HYDIN: variants seen among roughly 807,000 people sequenced by gnomAD.
HYDIN encodes the protein axonemal central pair apparatus protein HYDIN.
HYDIN carries 132 observed loss-of-function variants against 403.9 expected under a neutral mutation model. That is an observed-to-expected ratio of 0.33 (90% CI 0.28 to 0.38). The LOEUF (loss-of-function observed/expected upper bound fraction) is 0.38. Among genes scored for constraint, HYDIN ranks in the 10% least tolerant of loss-of-function variants. The pLI is 1.00. For synonymous variants in HYDIN, 1,202 were observed against 1,891.7 expected, an observed-to-expected ratio of 0.64 and a Z score of 9.46; for missense variants, 2,827 against 5,009.5, an observed-to-expected ratio of 0.56 and a Z score of 13.15.
intron 5 of HYDIN, among the ~76,000 whole-genome samples, chr16:71,165,739 G>A (rs373451134): frequency 6.6e-6 from 1 of 151,954 alleles, no homozygotes; most frequent in Non-Finnish European, 1.5e-5. Context: ...ATGGCGTGAG[G>A]GGGAGGGGGG....
At chr16:71,135,215 G>C (rs1350347928) in intron 8 of HYDIN, among the ~76,000 whole-genome samples, 1 of 152,016 alleles carries the variant, frequency 6.6e-6, no homozygotes, top group Non-Finnish European at 1.5e-5. Flanking sequence ...GAAAGAGCAA[G>C]GGAGATAGTA....
chr16:70,808,150 G>A, intron 85 of HYDIN, 88 bp from the exon 86 acceptor site: 2 of 1,432,598 alleles, frequency 1.4e-6, no homozygotes, highest in Non-Finnish European at 1.9e-6. Flanking sequence ...TCCACTCCTG[G>A]ACATCAAGCA....
intron 43 of HYDIN, among the ~76,000 whole-genome samples, chr16:70,939,544 C>T (rs2077604927): frequency 6.6e-6 from 1 of 152,180 alleles, no homozygotes; most frequent in South Asian, 2.1e-4. Flanking sequence ...TATGAACATG[C>T]CAGGCACTGG....
chr16:71,230,562 C>T lies in HYDIN; in HGVS notation c.-24G>A. 1 of 1,534,446 alleles carries T rather than the reference C, an allele frequency of 6.5e-7. No homozygotes were observed. Among genetic ancestry groups the T allele is most frequent in the Non-Finnish European group, 8.7e-7 (1 of 1,145,852 alleles). Reference sequence around the variant, plus strand: ...CACAATCTCTGCGAGGACCTCTGACCTTGGTGCACTCCGGGTCCCACGTTT... The same window carrying T: ...CACAATCTCTGCGAGGACCTCTGACTTTGGTGCACTCCGGGTCCCACGTTT... On this transcript the variant is annotated splice_region_variant and 5_prime_UTR_variant, in exon 1 of 86. Transcript: ENST00000393567.
At chr16:70,902,405 T>C (rs2076405964) in intron 52 of HYDIN, among the ~76,000 whole-genome samples, 1 of 147,814 alleles carries the variant, frequency 6.8e-6, no homozygotes, top group Non-Finnish European at 1.5e-5. Context: ...GCTCAGGAGT[T>C]GAGACCAGCC....
chr16:70,897,838 G>T (rs1424172279), intron 53 of HYDIN, among the ~76,000 whole-genome samples: 1 of 151,994 alleles, frequency 6.6e-6, no homozygotes. Context: ...CTGCTGTTTG[G>T]CTGGGACACA....
At chr16:71,038,004 A>G (rs2081151024) in intron 18 of HYDIN, among the ~76,000 whole-genome samples, 1 of 152,194 alleles carries the variant, frequency 6.6e-6, no homozygotes, top group Non-Finnish European at 1.5e-5. Flanking sequence ...GATGATAAAA[A>G]ATGAGCCTTC....
chr16:71,097,851 A>C (rs2083319686), intron 10 of HYDIN, among the ~76,000 whole-genome samples: 1 of 151,980 alleles, frequency 6.6e-6, no homozygotes, highest in Non-Finnish European at 1.5e-5. Context: ...TACAGAAAGT[A>C]TGCTTAGAAC....
At position 71,230,639 on chromosome 16, in the gene HYDIN, C is replaced by A. The variant is rs1461584076; in HGVS notation, c.-101G>T. 6.5e-7 allele frequency: 1 copy of A among 1,536,058 alleles called. No individual in the cohort carries two copies. The highest frequency in any genetic ancestry group is 1.2e-5 in the South Asian group (1 of 84,060). On this transcript the variant is annotated 5_prime_UTR_variant, in exon 1 of 86. Coordinates refer to ENST00000393567, the MANE Select transcript of HYDIN (RefSeq NM_001270974.2). Reference sequence around the variant, plus strand: ...CCCGCGTCCAACTCACAGACCCCGCCGCCGCTGAGGGGCTCCATACCCAGC... The same window carrying A: ...CCCGCGTCCAACTCACAGACCCCGCAGCCGCTGAGGGGCTCCATACCCAGC...
At chr16:70,916,120 C>T (rs1312359096) in intron 47 of HYDIN, among the ~76,000 whole-genome samples, 1 of 152,182 alleles carries the variant, frequency 6.6e-6, no homozygotes, top group African/African-American at 2.4e-5. Flanking sequence ...CCTGTGGAGT[C>T]TGCATGCTGG....
chr16:70,902,618 C>A (rs888448622), intron 52 of HYDIN, among the ~76,000 whole-genome samples: 2 of 139,866 alleles, frequency 1.4e-5, no homozygotes, highest in Non-Finnish European at 3.1e-5. Context: ...GACTCTGTCT[C>A]GAAACAAAAA....
intron 7 of HYDIN, among the ~76,000 whole-genome samples, chr16:71,144,935 T>C (rs533486525): frequency 7.2e-5 from 11 of 152,166 alleles, no homozygotes; most frequent in Non-Finnish European, 1.0e-4. Flanking sequence ...TAAATTCATA[T>C]TTCAAACAGC....
intron 11 of HYDIN, among the ~76,000 whole-genome samples, chr16:71,092,281 T>C (rs1400631220): frequency 6.6e-6 from 1 of 152,108 alleles, no homozygotes; most frequent in Non-Finnish European, 1.5e-5. Context: ...CCCATGCCCT[T>C]TCCCCTTCCA....
intron 8 of HYDIN, chr16:71,133,083 G>T (rs550831769): frequency 2.7e-6 from 1 of 367,466 alleles, no homozygotes; most frequent in East Asian, 7.3e-5. Flanking sequence ...TGGGGAAGAT[G>T]TGTGTCTCCA....
At chr16:70,872,357 CCCAT>C (rs1430055205) in intron 64 of HYDIN, among the ~76,000 whole-genome samples, 178 bp from the exon 65 acceptor site, 1 of 132,752 alleles carries the variant, frequency 7.5e-6, no homozygotes, top group Non-Finnish European at 1.5e-5. Context: ...TATCTATCCA[CCCAT>C]CCATCCATCT....
At chr16:71,128,112 G>A (rs571708535) in intron 9 of HYDIN, among the ~76,000 whole-genome samples, 1 of 152,114 alleles carries the variant, frequency 6.6e-6, no homozygotes, top group South Asian at 2.1e-4. Context: ...CTCAGGCCCA[G>A]GTTCTTCTCT....
intron 5 of HYDIN, among the ~76,000 whole-genome samples, chr16:71,170,575 C>T (rs543767923): frequency 6.6e-6 from 1 of 151,992 alleles, no homozygotes; most frequent in South Asian, 2.1e-4. Flanking sequence ...AGAAAACCAA[C>T]TTTAAAAAAA....
At chr16:70,944,478 G>A (rs2077787638) in intron 41 of HYDIN, among the ~76,000 whole-genome samples, 1 of 152,168 alleles carries the variant, frequency 6.6e-6, no homozygotes, top group South Asian at 2.1e-4. Context: ...CAAAGAATGA[G>A]ACAAGATCTT....
intron 74 of HYDIN, 131 bp from the exon 75 acceptor site, chr16:70,850,078 C>T (rs1317795098): frequency 1.1e-5 from 7 of 620,616 alleles, no homozygotes; most frequent in Admixed American, 7.9e-5. Flanking sequence ...ATTTGACTAT[C>T]TTTAGCTTAA....
Sources: allele counts gnomAD v4.1 joint callset (sites outside exome capture counted in the v4.1 genomes callset), GRCh38; gene constraint gnomAD v4.1.1; transcripts MANE v1.5; gene names NCBI Gene and HGNC (gene_info 2026-07-23, HGNC 2026-07-21).